Variants in CSMD1 observed in about 807,000 individuals in gnomAD.
The protein encoded by CSMD1 is CUB and Sushi multiple domains 1.
In CSMD1, 213 loss-of-function variants were observed where a neutral mutation model predicts 417.5. The observed-to-expected ratio is 0.51, with a 90% CI of 0.46 to 0.57. The LOEUF is 0.57. Among genes scored for constraint, CSMD1 ranks in the 20% least tolerant of loss-of-function variants. CSMD1 has a pLI of 0.00. For synonymous variants in CSMD1, 2,862 were observed against 1,736.8 expected, an observed-to-expected ratio of 1.65 and a Z score of -16.11; for missense variants, 6,923 against 4,529.7, an observed-to-expected ratio of 1.53 and a Z score of -15.17.
chr8:4,525,812 A>C (rs1796484711), intron 2 of CSMD1, among the ~76,000 whole-genome samples: 1 of 152,166 alleles, frequency 6.6e-6, no homozygotes, highest in Admixed American at 6.5e-5. Context: ...ACTATCTAGA[A>C]GCAGCAGGCT....
rs182193126 is a variant in CSMD1 at position 4,772,120 on chromosome 8, G to C, written c.86-134562C>G. The stretch of plus-strand genomic sequence containing the variant: ...GGGGAATAGGCTTCCAGGGTCATTT[G>C]GGTCCACCGAGAGCAGAAGTCAGTT... On this transcript the variant is annotated intron_variant, in intron 1 of 69. Coordinates refer to ENST00000635120, the MANE Select transcript of CSMD1 (RefSeq NM_033225.6). Among the ~76,000 whole-genome samples, 42 of 152,180 alleles carry C rather than the reference G, an allele frequency of 2.8e-4. No individual in the cohort carries two copies. In the East Asian group the frequency reaches 6.6e-3, roughly 24 times the overall value.
intron 2 of CSMD1, among the ~76,000 whole-genome samples, chr8:4,594,389 A>C (rs1800150990): frequency 6.6e-6 from 1 of 151,618 alleles, no homozygotes; most frequent in South Asian, 2.1e-4. Flanking sequence ...TAGTAGAGAC[A>C]GGATTTCACC....
chr8:4,379,859 G>A (rs539912328), intron 3 of CSMD1, among the ~76,000 whole-genome samples: 4 of 152,318 alleles, frequency 2.6e-5, no homozygotes, highest in African/African-American at 9.6e-5. Context: ...AGGAGACAGT[G>A]ATGTTCACAT....
At chr8:3,937,674 G>A (rs1021045610) in intron 5 of CSMD1, among the ~76,000 whole-genome samples, 1 of 152,046 alleles carries the variant, frequency 6.6e-6, no homozygotes, top group Non-Finnish European at 1.5e-5. Context: ...CTGAAGTACG[G>A]CTGCATATCA....
At chr8:3,238,596 G>A (rs1799299594) in intron 26 of CSMD1, among the ~76,000 whole-genome samples, 2 of 151,918 alleles carry the variant, frequency 1.3e-5, no homozygotes, top group African/African-American at 4.8e-5. Flanking sequence ...TGTGGTAAGG[G>A]GTGATATTGT....
At chr8:4,071,258 G>A (rs147426927) in intron 3 of CSMD1, among the ~76,000 whole-genome samples, 1 of 152,082 alleles carries the variant, frequency 6.6e-6, no homozygotes, top group African/African-American at 2.4e-5. Flanking sequence ...AAAGAAGCCT[G>A]ACGCCCTGCT....
chr8:4,152,638 C>T (rs748434472), intron 3 of CSMD1, among the ~76,000 whole-genome samples: 1 of 151,844 alleles, frequency 6.6e-6, no homozygotes, highest in Non-Finnish European at 1.5e-5. Context: ...TGCAATGAGT[C>T]ACGATTGTGC....
intron 3 of CSMD1, among the ~76,000 whole-genome samples, chr8:4,241,938 T>C (rs1053780688): frequency 2.0e-5 from 3 of 152,182 alleles, no homozygotes; most frequent in Admixed American, 6.5e-5. Flanking sequence ...GTCCTACCAA[T>C]TGACCAGATT....
At chr8:4,189,828 G>GAGC (rs2131209589) in intron 3 of CSMD1, among the ~76,000 whole-genome samples, 1 of 152,224 alleles carries the variant, frequency 6.6e-6, no homozygotes, top group Admixed American at 6.5e-5. Context: ...TGGATTCAAA[G>GAGC]AGCACAGCTT....
At chr8:3,199,852 C>G in intron 32 of CSMD1, 43 bp from the exon 33 acceptor site, 1 of 1,208,252 alleles carries the variant, frequency 8.3e-7, no homozygotes, top group Non-Finnish European at 1.2e-6. Flanking sequence ...CACACAGCAC[C>G]GTGGGGGACG....
intron 10 of CSMD1, among the ~76,000 whole-genome samples, chr8:3,566,541 G>T (rs553652531): frequency 6.7e-6 from 1 of 149,486 alleles, no homozygotes; most frequent in African/African-American, 2.5e-5. Flanking sequence ...ACCTCCCTTT[G>T]TCCATAGAGG....
chr8:4,447,385 C>T (rs1293380919), intron 2 of CSMD1, among the ~76,000 whole-genome samples: 1 of 152,128 alleles, frequency 6.6e-6, no homozygotes, highest in African/African-American at 2.4e-5. Context: ...CTTTCAGCTC[C>T]TTGAATGATT....
At chr8:3,654,475 G>A (rs886967685) in intron 7 of CSMD1, among the ~76,000 whole-genome samples, 1 of 152,166 alleles carries the variant, frequency 6.6e-6, no homozygotes, top group Non-Finnish European at 1.5e-5. Context: ...GTACACAGGA[G>A]CTTTTAAAAA....
At chr8:3,373,500 G>C (rs745777806) in intron 18 of CSMD1, 2 of 152,284 alleles carry the variant, frequency 1.3e-5, no homozygotes, top group African/African-American at 2.4e-5. Context: ...TCAGGAGAAG[G>C]AAATTTGATG....
intron 1 of CSMD1, among the ~76,000 whole-genome samples, chr8:4,639,554 T>A (rs1417817650): frequency 6.6e-6 from 1 of 152,212 alleles, no homozygotes; most frequent in Non-Finnish European, 1.5e-5. Context: ...TTCCCACTAA[T>A]GTGCTTTAAA....
At chr8:3,171,098 G>A (rs1280668213) in intron 37 of CSMD1, among the ~76,000 whole-genome samples, 2 of 152,202 alleles carry the variant, frequency 1.3e-5, no homozygotes, top group Non-Finnish European at 2.9e-5. Flanking sequence ...TATAGTTCAT[G>A]AGAATGACAA....
At chr8:3,484,491 T>C (rs1365890049) in intron 11 of CSMD1, among the ~76,000 whole-genome samples, 1 of 152,122 alleles carries the variant, frequency 6.6e-6, no homozygotes. Context: ...CTTTTAGGAA[T>C]ATGTATAGAA....
At chr8:4,217,619 G>A (rs1393251778) in intron 3 of CSMD1, among the ~76,000 whole-genome samples, 3 of 150,230 alleles carry the variant, frequency 2.0e-5, no homozygotes, top group Non-Finnish European at 4.4e-5. Flanking sequence ...GTTATCTTTT[G>A]AGAAACTGTT....
chr8:3,142,729 A>G lies in CSMD1; in HGVS notation c.6032-55T>C, dbSNP rs114097603. The G allele has an allele frequency of 1.6e-3, 2,220 of 1,402,796 alleles. 34 individuals carry two copies. The African/African-American group carries it at 0.026, about 17-fold the overall frequency. 86.9% of individuals were successfully genotyped at this position (1,402,796 alleles called of 1,614,324 possible). ...GTTCATATCAAAATGTATAAAATCA[A>G]TGCTCATAAAAAGGGACTGAAGTGT... On this transcript the variant is annotated intron_variant, in intron 40 of 69. Coordinates refer to ENST00000635120, the MANE Select transcript of CSMD1 (RefSeq NM_033225.6).
Sources: gnomAD v4.1 joint callset for allele counts (sites outside exome capture counted in the v4.1 genomes callset) on GRCh38, gnomAD v4.1.1 for gene constraint, MANE v1.5 for transcripts, NCBI Gene and HGNC (gene_info 2026-07-23, HGNC 2026-07-21) for gene names.